Variants in PDE1C observed in about 807,000 individuals in gnomAD.
PDE1C encodes the protein phosphodiesterase 1C, also known as dual specificity calcium/calmodulin-dependent 3',5'-cyclic nucleotide phosphodiesterase 1C.
Under a neutral mutation model 93.1 loss-of-function variants are expected in PDE1C, and 62 were observed. The ratio of observed to expected loss-of-function variants is 0.67; its 90% CI spans 0.54 to 0.82. The LOEUF (loss-of-function observed/expected upper bound fraction) is 0.82, where lower values mean the gene tolerates loss of function less well. PDE1C is among the 40% of genes least tolerant of loss of function. PDE1C has a pLI of 0.00. For missense variants in PDE1C, 742 were observed against 884.6 expected (o/e 0.84, Z 2.04); for synonymous variants, 325 against 310.1 (o/e 1.05, Z -0.50).
the PDE1C span, among the ~76,000 whole-genome samples, chr7:31,735,908 G>A: frequency 6.6e-6 from 1 of 152,082 alleles, no homozygotes; most frequent in Admixed American, 6.5e-5. Context: ...TATATAAAGC[G>A]GCATAGTATT....
chr7:32,226,238 G>A (rs1414245563), intron 1 of PDE1C, among the ~76,000 whole-genome samples: 1 of 152,094 alleles, frequency 6.6e-6, no homozygotes, highest in Non-Finnish European at 1.5e-5. Flanking sequence ...CAGCCTCTGT[G>A]GGCCTGAGCT....
At chr7:31,690,344 G>A in the PDE1C span, among the ~76,000 whole-genome samples, 2 of 152,194 alleles carry the variant, frequency 1.3e-5, no homozygotes, top group African/African-American at 4.8e-5. Context: ...ACTCCACCCA[G>A]TAGGTATTAT....
chr7:32,359,297 G>A (rs1414482597), intron 1 of PDE1C, among the ~76,000 whole-genome samples: 2 of 152,160 alleles, frequency 1.3e-5, no homozygotes, highest in Admixed American at 1.3e-4. Context: ...ATACTGAGGT[G>A]TCTTTTCCCC....
the PDE1C span, among the ~76,000 whole-genome samples, chr7:31,696,576 G>C: frequency 6.6e-6 from 1 of 152,150 alleles, no homozygotes; most frequent in African/African-American, 2.4e-5. Context: ...CAATACATCA[G>C]ATGAAATCCT....
chr7:32,068,804 C>T (rs1173095437), intron 1 of PDE1C, among the ~76,000 whole-genome samples: 1 of 152,220 alleles, frequency 6.6e-6, no homozygotes, highest in Non-Finnish European at 1.5e-5. Flanking sequence ...ATGAATCCCT[C>T]TAGTCAGCAT....
At chr7:31,625,923 A>C in the PDE1C span, among the ~76,000 whole-genome samples, 3 of 152,190 alleles carry the variant, frequency 2.0e-5, no homozygotes, top group Admixed American at 2.0e-4. Flanking sequence ...GGTACACCTA[A>C]TGTTAGTAAG....
At chr7:31,709,919 G>T in the PDE1C span, among the ~76,000 whole-genome samples, 129 of 152,294 alleles carry the variant, frequency 8.5e-4, 1 homozygote, top group African/African-American at 2.9e-3. Flanking sequence ...GGAAAGTCGA[G>T]GGGGAGCATC....
the PDE1C span, among the ~76,000 whole-genome samples, chr7:31,648,644 G>A: frequency 6.6e-6 from 1 of 152,110 alleles, no homozygotes; most frequent in Non-Finnish European, 1.5e-5. Context: ...CAATGTTTAT[G>A]ATGTTCAGCC....
chr7:31,772,212 C>A (rs1342644990), intron 17 of PDE1C, among the ~76,000 whole-genome samples: 1 of 152,066 alleles, frequency 6.6e-6, no homozygotes, highest in Non-Finnish European at 1.5e-5. Context: ...ATTGCAGATC[C>A]AATTCCAAAG....
the PDE1C span, among the ~76,000 whole-genome samples, chr7:31,689,917 A>G: frequency 9.2e-5 from 14 of 152,206 alleles, no homozygotes; most frequent in African/African-American, 3.4e-4. Context: ...TTGCTGGTTC[A>G]CCACCACCAT....
intron 14 of PDE1C, among the ~76,000 whole-genome samples, chr7:31,817,360 A>G (rs1788398609): frequency 6.6e-6 from 1 of 152,166 alleles, no homozygotes; most frequent in African/African-American, 2.4e-5. Flanking sequence ...TGCTCAAAGA[A>G]CATTGAGTAT....
At chr7:31,919,502 AAATG>A (rs1689372107) in intron 2 of PDE1C, among the ~76,000 whole-genome samples, 1 of 152,214 alleles carries the variant, frequency 6.6e-6, no homozygotes, top group African/African-American at 2.4e-5. Context: ...GTAGTTGAGG[AAATG>A]AATAAGTGAA....
chr7:31,829,294 T>C (rs1002218879), intron 11 of PDE1C, among the ~76,000 whole-genome samples: 2 of 152,102 alleles, frequency 1.3e-5, no homozygotes, highest in African/African-American at 4.8e-5. Context: ...CTCTACCTCA[T>C]AGGGTTATAA....
At chr7:31,921,464 G>C (rs573631132) in intron 2 of PDE1C, among the ~76,000 whole-genome samples, 2 of 152,294 alleles carry the variant, frequency 1.3e-5, no homozygotes, top group Admixed American at 6.5e-5. Flanking sequence ...GGCAGGGGGA[G>C]ACATTCCCTT....
At chr7:32,323,981 A>T (rs1783351545) in intron 1 of PDE1C, among the ~76,000 whole-genome samples, 1 of 152,220 alleles carries the variant, frequency 6.6e-6, no homozygotes, top group South Asian at 2.1e-4. Flanking sequence ...CAGAGCATAG[A>T]GCGGGAGTCA....
At chr7:31,696,964 G>A in the PDE1C span, 1 of 1,613,888 alleles carries the variant, frequency 6.2e-7, no homozygotes, top group Non-Finnish European at 8.5e-7. Context: ...TAACCATGCA[G>A]GTGTGTTTTC....
chr7:32,070,735 C>A (rs144385029), upstream of PDE1C: 1 of 1,114,002 alleles, frequency 9.0e-7, no homozygotes, highest in Non-Finnish European at 1.1e-6. Flanking sequence ...TCTCCCCCTA[C>A]CCCCAAACAA....
intron 3 of PDE1C, among the ~76,000 whole-genome samples, chr7:32,128,902 AACAAATATATATAT>A (rs1386019006): frequency 4.4e-5 from 4 of 89,992 alleles, no homozygotes; most frequent in African/African-American, 1.7e-4. Flanking sequence ...CTTAAAGTAT[AACAAATATATATAT>A]ATATATATAT....
intron 3 of PDE1C, among the ~76,000 whole-genome samples, chr7:32,144,312 A>G (rs1397808238): frequency 6.6e-6 from 1 of 152,106 alleles, no homozygotes; most frequent in African/African-American, 2.4e-5. Context: ...CCCAGGGTGC[A>G]ACAGGACCCC....
Sources: gnomAD v4.1 joint callset for allele counts (sites outside exome capture counted in the v4.1 genomes callset) on GRCh38, gnomAD v4.1.1 for gene constraint, MANE v1.5 for transcripts, NCBI Gene and HGNC (gene_info 2026-07-23, HGNC 2026-07-21) for gene names.